PLEC: variants seen among roughly 807,000 people sequenced by gnomAD.
PLEC encodes hemidesmosomal protein 1.
PLEC carries 216 observed loss-of-function variants against 392.8 expected under a neutral mutation model. The ratio of observed to expected loss-of-function variants is 0.55; its 90% CI spans 0.49 to 0.62. The LOEUF is 0.62. Ranked by LOEUF, PLEC falls within the 20% of genes least tolerant of loss-of-function variation. The pLI is 0.00. For missense variants in PLEC, 6,863 were observed against 6,563.4 expected, an observed-to-expected ratio of 1.05 and a Z score of -1.58; for synonymous variants, 3,621 against 2,980.6, an observed-to-expected ratio of 1.21 and a Z score of -7.00.
At position 143,962,010 on chromosome 8, in the gene PLEC, A is replaced by G. The variant is rs539912096; in HGVS notation, c.70+11393T>C. Among the ~76,000 whole-genome samples the G allele has an allele frequency of 2.2e-4, 34 of 152,256 alleles. 1 individual carries two copies. In the South Asian group the frequency reaches 7.0e-3, roughly 32 times the overall value. On this transcript the variant is annotated intron_variant, in intron 1 of 31. Transcript: ENST00000356346. ...GTGCACGCTTTTTAAAACAATGACTATGGAACAAAAATGTGTAAGTTCTAC... is the reference window on the plus strand; with the variant it reads ...GTGCACGCTTTTTAAAACAATGACTGTGGAACAAAAATGTGTAAGTTCTAC...
intron 16 of PLEC, 54 bp from the exon 17 acceptor site, chr8:143,932,288 C>T (rs782673438): frequency 1.1e-5 from 18 of 1,607,808 alleles, no homozygotes; most frequent in South Asian, 4.4e-5. Context: ...GGCTCTGCCA[C>T]GCTCCCAGCA....
chr8:143,953,692 G>C, upstream of PLEC: 1 of 1,600,734 alleles, frequency 6.2e-7, no homozygotes, highest in East Asian at 2.3e-5. Flanking sequence ...TGTGGTCCGC[G>C]CCCCCCGGCT....
In PLEC at chr8:143,918,179, C is replaced by A. The variant is rs199504789; in HGVS notation, c.11642G>T (p.Arg3881Leu). The change falls in exon 32 of 32, where the codon CGC becomes CTC. Residue 3881 changes from arginine (R) to leucine (L), a missense_variant. Coordinates refer to ENST00000345136, the MANE Select transcript of PLEC (RefSeq NM_201384.3). ...GQLLLPLSDARKLTFRGLRKQ... is the reference protein window; with the variant it reads ...GQLLLPLSDALKLTFRGLRKQ... ...CCGCAGGCCACGGAAGGTCAGCTTG[C>A]GGGCGTCCGACAGTGGCAGGAGCAG... 1.3e-6 allele frequency: 2 copies of A among 1,593,822 alleles called. No individual in the cohort carries two copies. Among genetic ancestry groups the A allele is most frequent in the Middle Eastern group, 1.8e-4 (1 of 5,690 alleles).
upstream of PLEC, chr8:143,958,583 G>A (rs1010238679): frequency 2.6e-5 from 11 of 417,652 alleles, no homozygotes; most frequent in Middle Eastern, 3.4e-4. This position sits in a 1 kb window ranked among gnomAD's most constrained non-coding sequence, Gnocchi z 4.9. Context: ...AGCCTCCCTC[G>A]TTGCCCCTCA....
In PLEC at chr8:143,969,129, G is replaced by A. The variant is rs868950189; in HGVS notation, c.70+4274C>T. Among the ~76,000 whole-genome samples, 1 of 152,182 alleles carries A rather than the reference G, an allele frequency of 6.6e-6. No individual in the cohort carries two copies. Among genetic ancestry groups the A allele is most frequent in the Non-Finnish European group, 1.5e-5 (1 of 68,036 alleles). ...ACCCACTATCCGTCAACTGATAAAC[G>A]CATAAGCAAAAGTGGGCACTTCCAC... On this transcript the variant is annotated intron_variant, in intron 1 of 31. Coordinates refer to the PLEC transcript ENST00000356346. This position sits in a 1 kb window ranked among gnomAD's most constrained non-coding sequence, Gnocchi z 5.1.
chr8:143,948,941 T>C (rs782204092), intron 1 of PLEC, among the ~76,000 whole-genome samples: 3 of 152,192 alleles, frequency 2.0e-5, no homozygotes, highest in Non-Finnish European at 4.4e-5. Context: ...GCAGTCTTTG[T>C]CTCATGCCTC....
chr8:143,940,715 G>A (rs934602076), upstream of PLEC, among the ~76,000 whole-genome samples: 4 of 152,306 alleles, frequency 2.6e-5, no homozygotes, highest in East Asian at 5.8e-4. Context: ...TCTGGGAAGA[G>A]CTCACCCCAC....
upstream of PLEC, among the ~76,000 whole-genome samples, chr8:143,976,332 A>G (rs2133013695): frequency 6.6e-6 from 1 of 152,134 alleles, no homozygotes; most frequent in East Asian, 1.9e-4. Context: ...GCGCGGGGGC[A>G]CAATGTGGGC....
Position 143,925,298 on chromosome 8 carries a change from T to A in PLEC, c.4631A>T (p.Gln1544Leu). 1 of 1,572,974 alleles carries A rather than the reference T, an allele frequency of 6.4e-7. No homozygotes were observed. The highest frequency in any genetic ancestry group is 8.6e-7 in the Non-Finnish European group (1 of 1,168,094). ...ALQALEELRLQAEEAERRLRQ... is the reference protein window; with the variant it reads ...ALQALEELRLLAEEAERRLRQ... The stretch of plus-strand genomic sequence containing the variant: ...CAGGCGCCGCTCCGCCTCCTCCGCC[T>A]GCAGCCGCAGCTCCTCCAGGGCCTG... Residue 1544 changes from glutamine to leucine, a missense_variant, in exon 31 of 32, where the codon CAG (glutamine) becomes CTG (leucine). Transcript: ENST00000345136.
chr8:143,919,800 G>T lies in PLEC; in HGVS notation c.10021C>A (p.Leu3341Ile), dbSNP rs782461083. 1 of 1,612,924 alleles carries T rather than the reference G, an allele frequency of 6.2e-7. No homozygotes were observed. The highest frequency in any genetic ancestry group is 8.5e-7 in the Non-Finnish European group (1 of 1,179,954). The part of the protein sequence containing the change: ...LKDGKTTVKD[L>I]SELGSVRTLL... ...GTCCGCACGGAGCCCAGCTCCGAAA[G>T]GTCCTTGACCGTCGTCTTGCCGTCC... Residue 3341 changes from leucine (L) to isoleucine (I), a missense_variant, in exon 32 of 32, where the codon CTT becomes ATT. Leu to Ile is a conservative substitution (Grantham distance 5). Coordinates refer to ENST00000345136, the MANE Select transcript of PLEC (RefSeq NM_201384.3).
In PLEC at chr8:143,933,093, C is replaced by T. The variant is rs1587101469; in HGVS notation, c.1437G>A (p.Glu479=). 5 of 1,591,370 alleles carry T rather than the reference C, an allele frequency of 3.1e-6. No homozygotes were observed. The highest frequency in any genetic ancestry group is 3.4e-6 in the Non-Finnish European group (4 of 1,171,474). Residue 479 remains glutamate, a synonymous_variant, in exon 14 of 32, where the codon GAG becomes GAA. Coordinates refer to ENST00000345136, the MANE Select transcript of PLEC (RefSeq NM_201384.3). ...QMYRRVYRLH[E]RLVAIRTEYN... ...ACTCGGTGCGGATGGCTACCAGGCG[C>T]TCGTGCAGACGGTACACCCTGGGGC...
chr8:143,924,893 G>A lies in PLEC; in HGVS notation c.5036C>T (p.Ala1679Val), dbSNP rs782217591. ...AEREARRRGK[A>V]EEQAVRQREL... ...CCGCTGCCGGACGGCCTGCTCCTCCGCCTTGCCGCGCCGCCGCGCCTCGCG... is the reference window on the plus strand; with the variant it reads ...CCGCTGCCGGACGGCCTGCTCCTCCACCTTGCCGCGCCGCCGCGCCTCGCG... The change falls in exon 31 of 32, where the codon GCG (alanine) becomes GTG (valine). Residue 1679 changes from alanine to valine, a missense_variant. Transcript: ENST00000345136. The A allele has an allele frequency of 4.4e-5, 70 of 1,588,816 alleles. No individual in the cohort carries two copies. The highest frequency in any genetic ancestry group is 5.1e-5 in the Admixed American group (3 of 59,374).
In PLEC at chr8:143,924,190, C is replaced by T; in HGVS notation, c.5739G>A (p.Val1913=). 1.3e-6 allele frequency: 2 copies of T among 1,599,114 alleles called. No homozygotes were observed. The highest frequency in any genetic ancestry group is 1.7e-6 in the Non-Finnish European group (2 of 1,179,564). ...GCCGCCGCTGCCTCAGCGTGTCCTC[C>T]ACCAGCCCCTTCTGCCGCTCCAGCT... The part of the protein sequence containing the change: ...DSELERQKGL[V]EDTLRQRRQV... The change falls in exon 31 of 32, where the codon GTG becomes GTA. Residue 1913 remains valine, a synonymous_variant. Coordinates refer to ENST00000345136, the MANE Select transcript of PLEC (RefSeq NM_201384.3).
Position 143,935,897 on chromosome 8 carries a change from A to C in PLEC, c.553T>G (p.Ser185Ala). ...YQGLRCDNFT[S>A]SWRDGRLFNA... ...AAGAGGCGGCCGTCTCTCCAGCTGG[A>C]GGTGAAGTTGTCGCATCGCAGGCCC... Residue 185 changes from serine (S) to alanine (A), a missense_variant, in exon 6 of 32, where the codon TCC becomes GCC. Coordinates refer to ENST00000345136, the MANE Select transcript of PLEC (RefSeq NM_201384.3). The C allele has an allele frequency of 1.9e-6, 3 of 1,612,884 alleles. No individual in the cohort carries two copies. The highest frequency in any genetic ancestry group is 2.5e-6 in the Non-Finnish European group (3 of 1,179,974).
rs782605248 is a variant in PLEC, at chr8:143,925,847, C to T, written c.4082G>A (p.Arg1361Gln). 19 of 1,550,652 alleles carry T rather than the reference C, an allele frequency of 1.2e-5. No homozygotes were observed. Among genetic ancestry groups the T allele is most frequent in the East Asian group, 4.7e-5 (2 of 42,138 alleles). ...AEQQRAEERERLAEVEAALEK... is the reference protein window; with the variant it reads ...AEQQRAEEREQLAEVEAALEK... ...CAGCGCGGCCTCCACCTCGGCCAGCCGCTCGCGCTCCTCTGCCCGCTGCTG... is the reference window on the plus strand; with the variant it reads ...CAGCGCGGCCTCCACCTCGGCCAGCTGCTCGCGCTCCTCTGCCCGCTGCTG... The change falls in exon 31 of 32, where the codon CGG becomes CAG. Residue 1361 changes from arginine to glutamine, a missense_variant. Physicochemically the swap from Arg to Gln is conservative, Grantham distance 43. Coordinates refer to ENST00000345136, the MANE Select transcript of PLEC (RefSeq NM_201384.3).
chr8:143,935,612 C>T (rs1828833770), intron 6 of PLEC, among the ~76,000 whole-genome samples: 1 of 152,200 alleles, frequency 6.6e-6, no homozygotes, highest in Non-Finnish European at 1.5e-5. Context: ...GGCACATGCA[C>T]CTGGCTGTGA....
Position 143,937,045 on chromosome 8 carries a change from A to C in PLEC, c.369T>G (p.Asp123Glu), listed in dbSNP as rs1829237868. Residue 123 changes from aspartate to glutamate, a missense_variant, in exon 5 of 32, where the codon GAT becomes GAG. Coordinates refer to ENST00000345136, the MANE Select transcript of PLEC (RefSeq NM_201384.3). ...RQVKLVNIRN[D>E]DIADGNPKLT... is the part of the protein sequence containing the mutation. Reference sequence around the variant, plus strand: ...GCTTGGGGTTGCCGTCAGCGATGTCATCATTCCTGATGTTCACCAGCTTCA... The same window carrying C: ...GCTTGGGGTTGCCGTCAGCGATGTCCTCATTCCTGATGTTCACCAGCTTCA... 4 of 1,612,996 alleles carry C rather than the reference A, an allele frequency of 2.5e-6. No individual in the cohort carries two copies. In the South Asian group the frequency reaches 4.4e-5, roughly 18 times the overall value.
Position 143,929,781 on chromosome 8 carries a change from C to G in PLEC, c.2788G>C (p.Glu930Gln). ...EEQRQALHSL[E>Q]LHYQAFLRDS... ...CGCAGGAAGGCCTGGTAGTGCAGCT[C>G]CAGGCTGTGCAGGGCTTGGCGCTGC... The change falls in exon 23 of 32, where the codon GAG becomes CAG. Residue 930 changes from glutamate to glutamine, a missense_variant. By Grantham distance (29) the Glu-to-Gln change is conservative. Transcript: ENST00000345136. 6.2e-7 allele frequency: 1 copy of G among 1,600,326 alleles called. No homozygotes were observed. Among genetic ancestry groups the G allele is most frequent in the Non-Finnish European group, 8.5e-7 (1 of 1,179,076 alleles).
At chr8:143,942,573 G>A (rs570168285), upstream of PLEC, 391 of 1,486,816 alleles carry the variant, frequency 2.6e-4, 1 homozygote, top group African/African-American at 4.2e-3. Context: ...GCTGGACCGC[G>A]GCGGCGCCTC....
Sources: allele counts gnomAD v4.1 joint callset (sites outside exome capture counted in the v4.1 genomes callset), GRCh38; gene constraint gnomAD v4.1.1; non-coding constraint Gnocchi (gnomAD v3.1); transcripts MANE v1.5; gene names NCBI Gene and HGNC (gene_info 2026-07-23, HGNC 2026-07-21).